Variants in TENM3 observed in about 807,000 individuals in gnomAD.
TENM3 encodes teneurin transmembrane protein 3.
A neutral mutation model predicts 255.1 loss-of-function variants in TENM3; 63 were observed. The ratio of observed to expected loss-of-function variants is 0.25; its 90% CI spans 0.20 to 0.30. The LOEUF (loss-of-function observed/expected upper bound fraction) is 0.30, where lower values mean the gene tolerates loss of function less well. Among genes scored for constraint, TENM3 ranks in the 10% least tolerant of loss-of-function variants. The pLI is 1.00. For missense variants in TENM3, 2,929 were observed against 3,461.1 expected (o/e 0.85, Z 3.86); for synonymous variants, 1,306 against 1,322.3 (o/e 0.99, Z 0.27).
At chr4:181,649,410 C>G in the TENM3 span, among the ~76,000 whole-genome samples, 1 of 152,124 alleles carries the variant, frequency 6.6e-6, no homozygotes, top group South Asian at 2.1e-4. Flanking sequence ...TCTTTTTTCT[C>G]TGAGTTGTCT....
At chr4:182,588,517 C>T (rs566989557) in intron 3 of TENM3, among the ~76,000 whole-genome samples, 9 of 152,066 alleles carry the variant, frequency 5.9e-5, no homozygotes, top group African/African-American at 1.7e-4. Flanking sequence ...TTCACTAAAA[C>T]GAAATGCTCA....
chr4:182,324,200 C>G lies in TENM3; in HGVS notation c.180C>G (p.Gly60=). Residue 60 remains glycine (G), a synonymous_variant, in exon 2 of 28, where the codon GGC becomes GGG. Coordinates refer to ENST00000511685, the MANE Select transcript of TENM3 (RefSeq NM_001080477.4). ...ATGATTCCTCGCGGCTGCTTTACGG[C>G]AACAGAGTGAAGGATTTGGTTCACA... ...FDHDSSRLLY[G]NRVKDLVHRE... The G allele has an allele frequency of 6.2e-7, 1 of 1,613,988 alleles. No homozygotes were observed.
At chr4:182,194,109 T>C (rs1399759808) in intron 1 of TENM3, among the ~76,000 whole-genome samples, 1 of 152,242 alleles carries the variant, frequency 6.6e-6, no homozygotes, top group Non-Finnish European at 1.5e-5. Flanking sequence ...GTGTAAATAA[T>C]TGATAATAAA....
intron 11 of TENM3, among the ~76,000 whole-genome samples, chr4:182,686,816 G>A (rs958901550): frequency 3.3e-5 from 5 of 152,034 alleles, no homozygotes; most frequent in Non-Finnish European, 7.4e-5. Flanking sequence ...GAATAAAAAG[G>A]GTACCTCAGA....
the TENM3 span, among the ~76,000 whole-genome samples, chr4:181,798,342 T>C: frequency 1.3e-5 from 2 of 152,086 alleles, no homozygotes; most frequent in Non-Finnish European, 2.9e-5. Flanking sequence ...GGAGTCTTGC[T>C]CTGTCACCCA....
chr4:181,897,729 T>A, the TENM3 span, among the ~76,000 whole-genome samples: 7 of 152,220 alleles, frequency 4.6e-5, no homozygotes, highest in Non-Finnish European at 8.8e-5. Flanking sequence ...GGACAGTTTT[T>A]ATGCTGGCCA....
chr4:181,843,688 G>A, the TENM3 span, among the ~76,000 whole-genome samples: 1 of 150,874 alleles, frequency 6.6e-6, no homozygotes, highest in Non-Finnish European at 1.5e-5. Context: ...AAATTTGAGA[G>A]TGAGGCACCG....
intron 24 of TENM3, among the ~76,000 whole-genome samples, chr4:182,783,088 T>A (rs1293629568): frequency 1.3e-5 from 2 of 150,910 alleles, no homozygotes; most frequent in Non-Finnish European, 3.0e-5. Flanking sequence ...GTGAATTTGA[T>A]CCTGTCATTA....
the TENM3 span, among the ~76,000 whole-genome samples, chr4:181,910,617 CGT>C: frequency 0.17 from 23,874 of 142,860 alleles, 2,069 homozygotes; most frequent in Middle Eastern, 0.19. Context: ...TATAAATACA[CGT>C]GTGTGTGTGT....
At chr4:181,656,306 G>A in the TENM3 span, among the ~76,000 whole-genome samples, 2 of 152,178 alleles carry the variant, frequency 1.3e-5, no homozygotes, top group East Asian at 3.9e-4. Context: ...GAAAGGGCTT[G>A]TAAGCAATAG....
At chr4:182,105,447 C>A in the TENM3 span, among the ~76,000 whole-genome samples, 1 of 152,128 alleles carries the variant, frequency 6.6e-6, no homozygotes, top group South Asian at 2.1e-4. Context: ...GAGGGATTCC[C>A]GAAACCATCA....
chr4:181,627,287 A>G, the TENM3 span, among the ~76,000 whole-genome samples: 1 of 152,218 alleles, frequency 6.6e-6, no homozygotes, highest in Non-Finnish European at 1.5e-5. Flanking sequence ...GTTGAGATTG[A>G]TAATAATATG....
the TENM3 span, among the ~76,000 whole-genome samples, chr4:181,953,276 C>T: frequency 0.19 from 26,963 of 141,404 alleles, 2,772 homozygotes; most frequent in African/African-American, 0.28. Context: ...ACCACCACCA[C>T]CATCATCATC....
chr4:182,569,444 C>G (rs1744130147), intron 3 of TENM3, among the ~76,000 whole-genome samples: 1 of 151,870 alleles, frequency 6.6e-6, no homozygotes, highest in South Asian at 2.1e-4. Flanking sequence ...ATCCCAGCTA[C>G]TCGGGAGGCT....
the TENM3 span, among the ~76,000 whole-genome samples, chr4:182,040,945 C>T: frequency 6.6e-6 from 1 of 152,108 alleles, no homozygotes; most frequent in Non-Finnish European, 1.5e-5. Context: ...GGCTGAATTG[C>T]TAAAATGAGA....
At chr4:181,805,088 TCTG>T in the TENM3 span, among the ~76,000 whole-genome samples, 1 of 152,168 alleles carries the variant, frequency 6.6e-6, no homozygotes, top group Non-Finnish European at 1.5e-5. Context: ...TCCTAAGAGT[TCTG>T]CTGTGCTCAC....
chr4:182,462,068 C>CTT (rs34287537), intron 3 of TENM3, among the ~76,000 whole-genome samples: 12 of 146,784 alleles, frequency 8.2e-5, no homozygotes, highest in Non-Finnish European at 1.5e-4. Context: ...CTCCTCTGAG[C>CTT]TTTTTTTTTT....
chr4:181,881,069 T>C, the TENM3 span, among the ~76,000 whole-genome samples: 3 of 152,168 alleles, frequency 2.0e-5, no homozygotes, highest in African/African-American at 7.2e-5. Flanking sequence ...AAGCTAGAAT[T>C]CTGGGGGAAA....
At chr4:181,831,622 C>T in the TENM3 span, among the ~76,000 whole-genome samples, 1 of 151,558 alleles carries the variant, frequency 6.6e-6, no homozygotes, top group Non-Finnish European at 1.5e-5. Context: ...CCTTAATTTT[C>T]ACATTTTGAA....
Sources: gnomAD v4.1 joint callset for allele counts (sites outside exome capture counted in the v4.1 genomes callset) on GRCh38, gnomAD v4.1.1 for gene constraint, MANE v1.5 for transcripts, NCBI Gene and HGNC (gene_info 2026-07-23, HGNC 2026-07-21) for gene names.